Variants in SON observed in about 807,000 individuals in gnomAD.
SON encodes SON DNA and RNA binding protein.
A neutral mutation model predicts 173.3 loss-of-function variants in SON; 4 were observed. That is an observed-to-expected ratio of 0.02 (90% CI 0.01 to 0.05). The LOEUF (loss-of-function observed/expected upper bound fraction) is 0.05, where lower values mean the gene tolerates loss of function less well. Among genes scored for constraint, SON ranks in the 10% least tolerant of loss-of-function variants. The pLI, the probability that SON is intolerant of heterozygous loss-of-function variation, is 1.00. For synonymous variants in SON, 1,190 were observed against 1,105.9 expected, an observed-to-expected ratio of 1.08 and a Z score of -1.51; for missense variants, 2,626 against 3,055.3, an observed-to-expected ratio of 0.86 and a Z score of 3.31.
Position 33,575,766 on chromosome 21 carries a change from TC to T in SON, c.7106-6del. 3.8e-6 allele frequency: 6 copies of T among 1,579,764 alleles called. No individual in the cohort carries two copies. Among genetic ancestry groups the T allele is most frequent in the Non-Finnish European group, 5.2e-6 (6 of 1,151,154 alleles). ...GAAATAATTTAAAACTGGGTATTTC[TC>T]CCCCCTGCAGGCAAACATCCTGTGT... On this transcript the variant is annotated splice_polypyrimidine_tract_variant and intron_variant, in intron 10 of 11. Coordinates refer to ENST00000356577, the MANE Select transcript of SON (RefSeq NM_138927.4).
rs565026506 is a variant in SON at position 33,546,398 on chromosome 21, A to T, written c.244+19A>T. On this transcript the variant is annotated intron_variant, in intron 2 of 11. Coordinates refer to ENST00000356577, the MANE Select transcript of SON (RefSeq NM_138927.4). ...AAGCCAGGTAAGTTGGAGATAATTA[A>T]CTGTCTCAAAAATTTTCTTTTAAGA... is the stretch of plus-strand genomic sequence containing the variant. 2.7e-5 allele frequency: 42 copies of T among 1,570,924 alleles called. No individual in the cohort carries two copies. The highest frequency in any genetic ancestry group is 3.3e-4 in the Middle Eastern group (2 of 5,974).
In SON at chr21:33,575,704, C is replaced by T; in HGVS notation, c.7105+37C>T. The T allele has an allele frequency of 3.2e-6, 5 of 1,583,672 alleles. No homozygotes were observed. The South Asian group carries it at 4.5e-5, about 14-fold the overall frequency. On this transcript the variant is annotated intron_variant, in intron 10 of 11. Coordinates refer to ENST00000356577, the MANE Select transcript of SON (RefSeq NM_138927.4). ...TTTTTGAATTTCCTCTTACCCTAAT[C>T]CCACCTTGAATTCATTATTTGTTGC... is the stretch of plus-strand genomic sequence containing the variant.
intron 4 of SON, chr21:33,557,600 G>A (rs1363983823): frequency 3.2e-6 from 5 of 1,550,138 alleles, no homozygotes; most frequent in Non-Finnish European, 4.4e-6. Context: ...TGGAGGAGGT[G>A]TTGAGTGAGC....
chr21:33,560,244 C>T (rs985446978), intron 6 of SON: 1 of 1,491,534 alleles, frequency 6.7e-7, no homozygotes, highest in Non-Finnish European at 8.9e-7. Context: ...GGTACATAGC[C>T]CATTGCCCTT....
Position 33,551,644 on chromosome 21 carries a change from A to G in SON, c.2413A>G (p.Met805Val). ...AGCAACCAGTTCCATGGACTCCCAGATGTTAGCAACCAGCTCCATGGACTC... is the reference window on the plus strand; with the variant it reads ...AGCAACCAGTTCCATGGACTCCCAGGTGTTAGCAACCAGCTCCATGGACTC... ...MLATSSMDSQ[M>V]LATSSMDSQM... The change falls in exon 3 of 12, where the codon ATG becomes GTG. Residue 805 changes from methionine to valine, a missense_variant. Physicochemically the swap from Met to Val is conservative, Grantham distance 21. This residue lies in a region of SON where 38 missense variants were observed against 92.1 expected (regional missense o/e 0.41). Coordinates refer to ENST00000356577, the MANE Select transcript of SON (RefSeq NM_138927.4). 1 of 1,612,246 alleles carries G rather than the reference A, an allele frequency of 6.2e-7. No individual in the cohort carries two copies. Among genetic ancestry groups the G allele is most frequent in the South Asian group, 1.1e-5 (1 of 90,964 alleles).
chr21:33,553,782 A>G lies in SON; in HGVS notation c.4551A>G (p.Glu1517=), dbSNP rs774059120. 1.2e-5 allele frequency: 19 copies of G among 1,614,088 alleles called. No homozygotes were observed. The South Asian group carries it at 1.9e-4, about 16-fold the overall frequency. The change falls in exon 3 of 12, where the codon GAA becomes GAG. Residue 1517 remains glutamate, a synonymous_variant. Coordinates refer to ENST00000356577, the MANE Select transcript of SON (RefSeq NM_138927.4). ...CAGGTGAAGAACCACATGCTGAGGA[A>G]CACCTGAAAGGTGACTTTTACGAAA... The part of the protein sequence containing the change: ...LHSGEEPHAE[E]HLKGDFYESE...
rs767311623 is a variant in SON at position 33,550,975 on chromosome 21, C to G, written c.1744C>G (p.Leu582Val). Residue 582 changes from leucine to valine, a missense_variant, in exon 3 of 12, where the codon CTG becomes GTG. By Grantham distance (32) the Leu-to-Val change is conservative (BLOSUM62 1). Transcript: ENST00000356577. ...LPGLPSATRA[L>V]ELSGQPVATG... ...AGGGCTGCCTTCGGCAACTAGGGCA[C>G]TGGAGTTGTCGGGGCAGCCTGTGGC... 3.7e-6 allele frequency: 6 copies of G among 1,605,224 alleles called. No homozygotes were observed. Among genetic ancestry groups the G allele is most frequent in the African/African-American group, 2.7e-5 (2 of 74,646 alleles).
chr21:33,543,236 CCTTT>C, intron 1 of SON, 67 bp downstream of exon 1: 2 of 1,397,506 alleles, frequency 1.4e-6, no homozygotes, highest in Middle Eastern at 1.8e-4. Flanking sequence ...TTCTTTGGCA[CCTTT>C]CTTCGGAGAC....
chr21:33,567,593 T>C, intron 7 of SON: 1 of 215,968 alleles, frequency 4.6e-6, no homozygotes, highest in South Asian at 8.4e-5. Context: ...GTATTAATAG[T>C]TGCCATATTT....
In SON at chr21:33,550,600, C is replaced by G; in HGVS notation, c.1369C>G (p.Pro457Ala). 1.9e-6 allele frequency: 3 copies of G among 1,613,782 alleles called. No homozygotes were observed. Among genetic ancestry groups the G allele is most frequent in the Non-Finnish European group, 2.5e-6 (3 of 1,179,946 alleles). ...GTTGTCGCAGGAATTGCCAGGGCTT[C>G]CAGCACCATCCATGGGGTTGGAGCC... ...PQLSQELPGL[P>A]APSMGLEPPQ... The change falls in exon 3 of 12, where the codon CCA becomes GCA. Residue 457 changes from proline to alanine, a missense_variant. By Grantham distance (27) the Pro-to-Ala change is conservative. Coordinates refer to ENST00000356577, the MANE Select transcript of SON (RefSeq NM_138927.4).
At chr21:33,568,688 C>CT (rs1234804374) in intron 7 of SON, among the ~76,000 whole-genome samples, 2 of 152,058 alleles carry the variant, frequency 1.3e-5, no homozygotes, top group African/African-American at 4.8e-5. Context: ...CATATGAGCT[C>CT]TTTTTTGCAT....
chr21:33,552,106 A>G lies in SON; in HGVS notation c.2875A>G (p.Thr959Ala), dbSNP rs2085810706. ...YRLGHDPYRL[T>A]PDPYRMSPRP... ...ATTAGGCCATGATCCCTACAGACTA[A>G]CTCCTGATCCCTATAGGATGTCACC... The change falls in exon 3 of 12, where the codon ACT (threonine) becomes GCT (alanine). Residue 959 changes from threonine (T) to alanine (A), a missense_variant. Around this residue, in one of 13 missense-constraint regions of SON, gnomAD observed 366 missense variants for 448.6 expected, o/e 0.82. Coordinates refer to ENST00000356577, the MANE Select transcript of SON (RefSeq NM_138927.4). This position sits in a 1 kb window ranked among gnomAD's most constrained non-coding sequence, Gnocchi z 5.6. 1 of 1,613,556 alleles carries G rather than the reference A, an allele frequency of 6.2e-7. No individual in the cohort carries two copies. Among genetic ancestry groups the G allele is most frequent in the South Asian group, 1.1e-5 (1 of 91,066 alleles).
chr21:33,573,762 A>C (rs766647926), intron 9 of SON, among the ~76,000 whole-genome samples: 3 of 152,238 alleles, frequency 2.0e-5, no homozygotes, highest in Non-Finnish European at 4.4e-5. Context: ...TTTAGAAAAC[A>C]GGATTTCCAT....
intron 6 of SON, among the ~76,000 whole-genome samples, chr21:33,561,192 T>C (rs923849504): frequency 6.6e-6 from 1 of 152,196 alleles, no homozygotes; most frequent in South Asian, 2.1e-4. Context: ...AAGCAAGTTA[T>C]GCCATCACCA....
chr21:33,562,434 GAGCATAAAACAT>G (rs1275807975), intron 6 of SON, among the ~76,000 whole-genome samples: 2 of 152,000 alleles, frequency 1.3e-5, no homozygotes, highest in African/African-American at 4.8e-5. Context: ...CTTTGTTGTT[GAGCATAAAACAT>G]TTAGGCAAAG....
chr21:33,560,837 T>G (rs2086057772), intron 6 of SON: 2 of 153,658 alleles, frequency 1.3e-5, no homozygotes, highest in Admixed American at 1.3e-4. Flanking sequence ...TGGACATTTT[T>G]CTTGCAGTTC....
In SON at chr21:33,576,852, A is replaced by ATTT; in HGVS notation, c.*429_*430insTTT. ...AGTAATCTTCAGTGTGGAATGTTAA[A>ATTT]TAACGCTTTTATACTGTATTTTGTA... On this transcript the variant is annotated 3_prime_UTR_variant, in exon 12 of 12. Coordinates refer to ENST00000356577, the MANE Select transcript of SON (RefSeq NM_138927.4). 1 of 318,864 alleles carries ATTT rather than the reference A, an allele frequency of 3.1e-6. No homozygotes were observed. Among genetic ancestry groups the ATTT allele is most frequent in the South Asian group, 2.7e-5 (1 of 36,750 alleles). 19.8% of individuals were successfully genotyped at this position (318,864 alleles called of 1,614,324 possible).
rs1199428954 is a variant in SON, at chr21:33,554,687, A to G, written c.5456A>G (p.Asp1819Gly). ...AAGGGGGAGAAAGAGAAGAAAAGAG[A>G]CTCTTCATTAAGATCTCGAAGTAAG... The part of the protein sequence containing the change: ...RDKGEKEKKR[D>G]SSLRSRSKRS... The change falls in exon 3 of 12, where the codon GAC becomes GGC. Residue 1819 changes from aspartate (D) to glycine (G), a missense_variant. Physicochemically the swap from Asp to Gly is moderately conservative, Grantham distance 94. This residue lies in a region of SON where 1,006 missense variants were observed against 895.6 expected (regional missense o/e 1.12). Coordinates refer to ENST00000356577, the MANE Select transcript of SON (RefSeq NM_138927.4). The G allele has an allele frequency of 6.2e-7, 1 of 1,613,816 alleles. No homozygotes were observed. Among genetic ancestry groups the G allele is most frequent in the Admixed American group, 1.7e-5 (1 of 60,004 alleles).
rs1264882709 is a variant in SON at position 33,551,314 on chromosome 21, T to C, written c.2083T>C (p.Leu695=). The change falls in exon 3 of 12, where the codon TTA becomes CTA. Residue 695 remains leucine (L), a synonymous_variant. Coordinates refer to ENST00000356577, the MANE Select transcript of SON (RefSeq NM_138927.4). ...NTVAQELPTT[L]VGETSVTVGV... is the part of the protein sequence containing the mutation. ...GGTAGCACAGGAGCTGCCTACTACA[T>C]TAGTGGGGGAGACTTCTGTAACAGT... 2 of 1,613,950 alleles carry C rather than the reference T, an allele frequency of 1.2e-6. No individual in the cohort carries two copies. Among genetic ancestry groups the C allele is most frequent in the African/African-American group, 2.7e-5 (2 of 74,886 alleles).
Sources: allele counts gnomAD v4.1 joint callset (sites outside exome capture counted in the v4.1 genomes callset), GRCh38; gene constraint gnomAD v4.1.1; regional missense constraint gnomAD v4.1.1; non-coding constraint Gnocchi (gnomAD v3.1); transcripts MANE v1.5; gene names NCBI Gene and HGNC (gene_info 2026-07-23, HGNC 2026-07-21).